CALR3: variants seen among roughly 807,000 people sequenced by gnomAD.
The protein encoded by CALR3 is calreticulin 3, also known as calreticulin-3.
Under a neutral mutation model 48.7 loss-of-function variants are expected in CALR3, and 39 were observed. The observed-to-expected ratio is 0.80, with a 90% CI of 0.62 to 1.05. The LOEUF (loss-of-function observed/expected upper bound fraction) is 1.05. Among genes scored for constraint, CALR3 ranks in the 50% least tolerant of loss-of-function variants. The probability of loss-of-function intolerance (pLI) is 0.00; values close to 1 mark genes in which losing one functional copy is unlikely to be tolerated. For synonymous variants in CALR3, 185 were observed against 172.7 expected (o/e 1.07, Z -0.56); for missense variants, 449 against 474.7 (o/e 0.95, Z 0.50).
chr19:16,482,504 C>T lies in CALR3; in HGVS notation c.864G>A (p.Gln288=). 1.2e-6 allele frequency: 2 copies of T among 1,614,252 alleles called. No homozygotes were observed. Among genetic ancestry groups the T allele is most frequent in the Non-Finnish European group, 1.7e-6 (2 of 1,180,048 alleles). ...TGTTCTCAAATTCTGAGAGGTCATA[C>T]TGCGTCAAATAGTCGGTATTCTTCA... The part of the protein sequence containing the change: ...RKMKNTDYLT[Q]YDLSEFENIG... Residue 288 remains glutamine, a synonymous_variant, in exon 7 of 9, where the codon CAG becomes CAA. Transcript: ENST00000269881.
Position 16,479,932 on chromosome 19 carries a change from C to G in CALR3, c.1012-658G>C, listed in dbSNP as rs371372661. Among the ~76,000 whole-genome samples, 19 of 152,044 alleles carry G rather than the reference C, an allele frequency of 1.2e-4. No homozygotes were observed. The East Asian group carries it at 3.5e-3, about 28-fold the overall frequency. ...AAAGATTGCATGTCCTGGCTGGGCGCGGTGGCTCACACCTGTAATCCCAGC... is the reference window on the plus strand; with the variant it reads ...AAAGATTGCATGTCCTGGCTGGGCGGGGTGGCTCACACCTGTAATCCCAGC... On this transcript the variant is annotated intron_variant, in intron 8 of 8. Transcript: ENST00000269881.
chr19:16,484,161 C>CT (rs775336557), intron 4 of CALR3, 46 bp from the exon 5 acceptor site: 20,160 of 1,013,056 alleles, frequency 0.02, 168 homozygotes, highest in Middle Eastern at 0.026. Context: ...TCCTCAATTT[C>CT]TTTTTTCTTT....
intron 8 of CALR3, 71 bp downstream of exon 8, chr19:16,480,543 C>T (rs1429345521): frequency 5.9e-6 from 6 of 1,009,108 alleles, no homozygotes; most frequent in Non-Finnish European, 9.4e-6. Flanking sequence ...CAGAGCTAGA[C>T]TCCATCTAAA....
chr19:16,491,114 TCTTA>T lies in CALR3; in HGVS notation c.194-548_194-545del, dbSNP rs917669434. Reference sequence around the variant, plus strand: ...GTTTTTGTTCTTAATATACCACTGTTCTTAATTAGTTAATTAATTATTTTTTGAG... The same window carrying T: ...GTTTTTGTTCTTAATATACCACTGTTATTAGTTAATTAATTATTTTTTGAG... On this transcript the variant is annotated intron_variant, in intron 2 of 8. Transcript: ENST00000269881. Among the ~76,000 whole-genome samples, 86 of 147,954 alleles carry T rather than the reference TCTTA, an allele frequency of 5.8e-4. 1 individual carries two copies. Among genetic ancestry groups the T allele is most frequent in the Admixed American group, 4.1e-4 (6 of 14,468 alleles).
In CALR3 at chr19:16,495,733, T is replaced by C; in HGVS notation, c.193+18A>G. ...AAATGTAACATTAGGCTCAATTTGG[T>C]CCTGATTCTACACTAACCTTTATCT... On this transcript the variant is annotated intron_variant, in intron 2 of 8. Coordinates refer to ENST00000269881, the MANE Select transcript of CALR3 (RefSeq NM_145046.5). 6.3e-7 allele frequency: 1 copy of C among 1,588,584 alleles called. No individual in the cohort carries two copies. Among genetic ancestry groups the C allele is most frequent in the Non-Finnish European group, 8.6e-7 (1 of 1,156,868 alleles).
chr19:16,479,433 A>AAC (rs2093377071), intron 8 of CALR3, among the ~76,000 whole-genome samples, 159 bp from the exon 9 acceptor site: 1 of 150,770 alleles, frequency 6.6e-6, no homozygotes, highest in Admixed American at 6.6e-5. Flanking sequence ...AAAATACAAA[A>AAC]AAAAAAAAGC....
In CALR3 at chr19:16,479,073, A is replaced by G; in HGVS notation, c.*58T>C. On this transcript the variant is annotated 3_prime_UTR_variant, in exon 9 of 9. Coordinates refer to ENST00000269881, the MANE Select transcript of CALR3 (RefSeq NM_145046.5). ...TGCCATGTAGACATTTGAGTTTGAAACATAGATTAAAGTAGCAATGAGATT... is the reference window on the plus strand; with the variant it reads ...TGCCATGTAGACATTTGAGTTTGAAGCATAGATTAAAGTAGCAATGAGATT... The G allele has an allele frequency of 6.2e-7, 1 of 1,602,146 alleles. No homozygotes were observed. The highest frequency in any genetic ancestry group is 8.6e-7 in the Non-Finnish European group (1 of 1,169,280).
rs149634686 is a variant in CALR3, at chr19:16,495,819, T to C, written c.125A>G (p.Asn42Ser). The C allele has an allele frequency of 2.3e-4, 373 of 1,614,076 alleles. No homozygotes were observed. In the African/African-American group the frequency reaches 4.4e-3, roughly 19 times the overall value. ...HWRNRWLQST[N>S]DSRFGHFRLS... ...TCTAAAATGCCCAAATCGGGAGTCA[T>C]TGGTGGACTGCAACCATCGGTTTCT... Residue 42 changes from asparagine (N) to serine (S), a missense_variant, in exon 2 of 9, where the codon AAT (asparagine) becomes AGT (serine). Asn to Ser is a conservative substitution (Grantham distance 46). Coordinates refer to ENST00000269881, the MANE Select transcript of CALR3 (RefSeq NM_145046.5).
intron 4 of CALR3, among the ~76,000 whole-genome samples, chr19:16,484,400 C>T (rs1394809559): frequency 6.6e-6 from 1 of 152,106 alleles, no homozygotes; most frequent in East Asian, 1.9e-4. Flanking sequence ...TGGTCTCGAA[C>T]TCCTGACCTC....
At chr19:16,493,479 AT>A (rs2093401058) in intron 2 of CALR3, among the ~76,000 whole-genome samples, 2 of 151,440 alleles carry the variant, frequency 1.3e-5, no homozygotes, top group South Asian at 4.2e-4. Context: ...ATTCTTTGGG[AT>A]CTGTGTTTTC....
At chr19:16,495,313 C>T (rs1446777879) in intron 2 of CALR3, among the ~76,000 whole-genome samples, 1 of 150,784 alleles carries the variant, frequency 6.6e-6, no homozygotes, top group African/African-American at 2.4e-5. Context: ...GCCTGTAATC[C>T]CAGCACTTTG....
intron 2 of CALR3, among the ~76,000 whole-genome samples, chr19:16,492,314 A>G (rs925960981): frequency 1.3e-5 from 2 of 151,932 alleles, no homozygotes; most frequent in African/African-American, 4.8e-5. Context: ...AAATTAGCCG[A>G]GCGTAGTGGC....
At chr19:16,491,832 C>G (rs1444787468) in intron 2 of CALR3, among the ~76,000 whole-genome samples, 2 of 150,926 alleles carry the variant, frequency 1.3e-5, no homozygotes, top group Non-Finnish European at 3.0e-5. Context: ...GGACACTAAA[C>G]TTTCTTTCTT....
chr19:16,481,542 G>T (rs1410782702), intron 7 of CALR3, among the ~76,000 whole-genome samples: 1 of 146,182 alleles, frequency 6.8e-6, no homozygotes, highest in Non-Finnish European at 1.5e-5. Context: ...GCCGTGGCGC[G>T]ATCTTGGCTC....
At chr19:16,487,689 G>A (rs1183626786) in intron 3 of CALR3, among the ~76,000 whole-genome samples, 1 of 151,986 alleles carries the variant, frequency 6.6e-6, no homozygotes, top group Non-Finnish European at 1.5e-5. Flanking sequence ...CCAGGCTGGA[G>A]TGCAATGGTG....
At chr19:16,491,035 C>T (rs573551067) in intron 2 of CALR3, among the ~76,000 whole-genome samples, 5 of 152,158 alleles carry the variant, frequency 3.3e-5, no homozygotes, top group Non-Finnish European at 7.3e-5. Flanking sequence ...GCTGGAATTA[C>T]AGGTGTGAGC....
At chr19:16,485,338 T>A (rs1165922400) in intron 3 of CALR3, 81 bp from the exon 4 acceptor site, 1 of 931,950 alleles carries the variant, frequency 1.1e-6, no homozygotes, top group East Asian at 2.6e-5. Flanking sequence ...ATTCTTTTTT[T>A]TTTTTTGAGA....
intron 2 of CALR3, 30 bp downstream of exon 2, chr19:16,495,721 G>C (rs769726779): frequency 5.9e-6 from 9 of 1,535,882 alleles, no homozygotes; most frequent in Non-Finnish European, 8.1e-6. Context: ...TGTAACATTA[G>C]GCTCAATTTG....
intron 7 of CALR3, among the ~76,000 whole-genome samples, chr19:16,482,021 C>T (rs1167861557): frequency 6.6e-6 from 1 of 150,876 alleles, no homozygotes; most frequent in Non-Finnish European, 1.5e-5. Context: ...ATTCTCCTGC[C>T]TCAGCGTCCC....
Sources: gnomAD v4.1 joint callset for allele counts (sites outside exome capture counted in the v4.1 genomes callset) on GRCh38, gnomAD v4.1.1 for gene constraint, MANE v1.5 for transcripts, NCBI Gene and HGNC (gene_info 2026-07-23, HGNC 2026-07-21) for gene names.